Variants in IMMP2L observed in about 807,000 individuals in gnomAD.
The protein encoded by IMMP2L is inner mitochondrial membrane peptidase subunit 2.
A neutral mutation model predicts 19.3 loss-of-function variants in IMMP2L; 18 were observed. The observed-to-expected ratio is 0.93, with a 90% CI of 0.64 to 1.38. The LOEUF (loss-of-function observed/expected upper bound fraction) is 1.38, where lower values mean the gene tolerates loss of function less well. Ranked by LOEUF, IMMP2L falls within the 40% of genes most tolerant of loss-of-function variation. The probability of loss-of-function intolerance (pLI) is 0.00; values close to 1 mark genes in which losing one functional copy is unlikely to be tolerated. For missense variants in IMMP2L, 233 were observed against 218.2 expected (o/e 1.07, Z -0.43); for synonymous variants, 76 against 73.0 (o/e 1.04, Z -0.21).
intron 3 of IMMP2L, among the ~76,000 whole-genome samples, chr7:111,162,045 A>T (rs550743426): frequency 5.3e-4 from 81 of 152,242 alleles, no homozygotes; most frequent in Non-Finnish European, 8.2e-4. Flanking sequence ...TGTTAGTCCA[A>T]ATGACGGTCT....
At chr7:111,271,037 A>G (rs1386354324) in intron 3 of IMMP2L, among the ~76,000 whole-genome samples, 3 of 152,134 alleles carry the variant, frequency 2.0e-5, no homozygotes, top group Non-Finnish European at 4.4e-5. Flanking sequence ...CATAATCACC[A>G]CATGCCATGG....
chr7:111,176,930 A>G (rs1211401197), intron 3 of IMMP2L, among the ~76,000 whole-genome samples: 4 of 151,984 alleles, frequency 2.6e-5, no homozygotes, highest in Non-Finnish European at 5.9e-5. Flanking sequence ...AGAAAGGAAA[A>G]TCTGTGTCCC....
chr7:111,211,678 T>C (rs1367247590), intron 3 of IMMP2L, among the ~76,000 whole-genome samples: 5 of 152,150 alleles, frequency 3.3e-5, no homozygotes, highest in African/African-American at 9.7e-5. Flanking sequence ...CAGAAGACTG[T>C]GCAAAGAGGT....
At position 111,306,361 on chromosome 7, in the gene IMMP2L, G is replaced by A. The variant is rs186338542; in HGVS notation, c.239+180877C>T. Among the ~76,000 whole-genome samples, 82 of 152,204 alleles carry A rather than the reference G, an allele frequency of 5.4e-4. 1 individual carries two copies. Among genetic ancestry groups the A allele is most frequent in the Middle Eastern group, 6.8e-3 (2 of 294 alleles). On this transcript the variant is annotated intron_variant, in intron 3 of 5. Transcript: ENST00000405709. ...CAACTGTAACAAATGTACCAGTTTG[G>A]TGGGGGATACTGATAAATGGGGAAG...
At chr7:111,125,646 C>T (rs1801215055) in intron 3 of IMMP2L, among the ~76,000 whole-genome samples, 1 of 151,868 alleles carries the variant, frequency 6.6e-6, no homozygotes, top group African/African-American at 2.4e-5. Context: ...GTATTTAACC[C>T]TTTAACTATT....
rs148644521 is a variant in IMMP2L, at chr7:111,538,312, T to C, written c.-2-16863A>G. Among the ~76,000 whole-genome samples, 335 of 152,206 alleles carry C rather than the reference T, an allele frequency of 2.2e-3. 3 individuals are homozygous for C. Among genetic ancestry groups the C allele is most frequent in the African/African-American group, 7.4e-3 (308 of 41,556 alleles). ...GTGATATAAGTTCTGGAGGCCTTGA[T>C]TGAACAGCACTGCACAACCACATGC... On this transcript the variant is annotated intron_variant, in intron 1 of 5. Coordinates refer to ENST00000405709, the MANE Select transcript of IMMP2L (RefSeq NM_032549.4).
At chr7:110,665,873 T>C (rs929568489) in intron 5 of IMMP2L, among the ~76,000 whole-genome samples, 1 of 152,200 alleles carries the variant, frequency 6.6e-6, no homozygotes, top group Non-Finnish European at 1.5e-5. Context: ...CATCTAATTG[T>C]GTTAACATTC....
chr7:111,014,996 G>T (rs1267095054), intron 3 of IMMP2L, among the ~76,000 whole-genome samples: 1 of 152,222 alleles, frequency 6.6e-6, no homozygotes, highest in East Asian at 1.9e-4. Flanking sequence ...ACAGTAAGGA[G>T]GTTCCTCAAA....
In IMMP2L at chr7:111,380,890, A is replaced by C. The variant is rs976609175; in HGVS notation, c.239+106348T>G. The stretch of plus-strand genomic sequence containing the variant: ...TCAGTATTCTCCACAAAAAAGTAAC[A>C]GAATCTGTTTCTCTAAGGTACCTGA... On this transcript the variant is annotated intron_variant, in intron 3 of 5. Coordinates refer to ENST00000405709, the MANE Select transcript of IMMP2L (RefSeq NM_032549.4). Among the ~76,000 whole-genome samples, 3 of 151,400 alleles carry C rather than the reference A, an allele frequency of 2.0e-5. No homozygotes were observed. The South Asian group carries it at 6.2e-4, about 31-fold the overall frequency.
chr7:111,162,766 G>A lies in IMMP2L; in HGVS notation c.240-199201C>T, dbSNP rs550976420. Among the ~76,000 whole-genome samples the A allele has an allele frequency of 7.0e-4, 106 of 151,764 alleles. 1 individual carries two copies. Among genetic ancestry groups the A allele is most frequent in the African/African-American group, 2.6e-3 (106 of 41,366 alleles). On this transcript the variant is annotated intron_variant, in intron 3 of 5. Transcript: ENST00000405709. Reference sequence around the variant, plus strand: ...TGTCAGAATCCTCTGATCTCCGCTTGACTAAGCCTCAAACTTGGTGGATAA... The same window carrying A: ...TGTCAGAATCCTCTGATCTCCGCTTAACTAAGCCTCAAACTTGGTGGATAA...
At chr7:110,869,308 AACTC>A (rs1344484028) in intron 5 of IMMP2L, among the ~76,000 whole-genome samples, 2 of 152,156 alleles carry the variant, frequency 1.3e-5, no homozygotes, top group African/African-American at 2.4e-5. Context: ...ACATTTTTAA[AACTC>A]AACCAATAAA....
intron 3 of IMMP2L, among the ~76,000 whole-genome samples, chr7:111,017,874 G>C (rs1825867063): frequency 6.6e-6 from 1 of 152,138 alleles, no homozygotes; most frequent in Non-Finnish European, 1.5e-5. Context: ...CAGAAAGAAA[G>C]ACTCCTAACT....
intron 3 of IMMP2L, among the ~76,000 whole-genome samples, chr7:111,055,968 TA>T (rs1281041180): frequency 6.6e-6 from 1 of 152,066 alleles, no homozygotes; most frequent in Non-Finnish European, 1.5e-5. Flanking sequence ...GCATATTTAA[TA>T]AAAACTCATG....
At chr7:111,279,465 G>A (rs1819458672) in intron 3 of IMMP2L, among the ~76,000 whole-genome samples, 2 of 152,142 alleles carry the variant, frequency 1.3e-5, no homozygotes, top group African/African-American at 4.8e-5. Flanking sequence ...GAAAGACAGA[G>A]AAGACCATGT....
intron 3 of IMMP2L, among the ~76,000 whole-genome samples, chr7:111,342,522 T>G (rs559868098): frequency 1.3e-5 from 2 of 151,690 alleles, no homozygotes; most frequent in African/African-American, 4.8e-5. Context: ...AACCAGGGAG[T>G]TGGAGGTTGC....
At chr7:111,361,677 T>TA (rs1829273738) in intron 3 of IMMP2L, among the ~76,000 whole-genome samples, 1 of 151,996 alleles carries the variant, frequency 6.6e-6, no homozygotes, top group South Asian at 2.1e-4. Flanking sequence ...TAGCTTTCCA[T>TA]AAAAAAAGTG....
intron 3 of IMMP2L, among the ~76,000 whole-genome samples, chr7:111,356,979 C>T (rs1159517255): frequency 6.6e-6 from 1 of 152,074 alleles, no homozygotes; most frequent in Non-Finnish European, 1.5e-5. Flanking sequence ...CGAGATGGTG[C>T]CATTGCACTC....
chr7:111,233,272 T>C (rs1339806365), intron 3 of IMMP2L, among the ~76,000 whole-genome samples: 2 of 152,154 alleles, frequency 1.3e-5, no homozygotes, highest in African/African-American at 2.4e-5. Context: ...TGGCCTTATA[T>C]AATTGATGGT....
rs187335095 is a variant in IMMP2L, at chr7:111,422,063, G to A, written c.239+65175C>T. On this transcript the variant is annotated intron_variant, in intron 3 of 5. Coordinates refer to ENST00000405709, the MANE Select transcript of IMMP2L (RefSeq NM_032549.4). ...GTGTGGTGTTATTTCTGAGCCCTCT[G>A]TTCTGTTCCATTGGTCTATATCTCT... Among the ~76,000 whole-genome samples the A allele has an allele frequency of 4.7e-4, 71 of 151,904 alleles. No homozygotes were observed. In the Middle Eastern group the frequency reaches 0.014, roughly 29 times the overall value.
Sources: allele counts gnomAD v4.1 joint callset (sites outside exome capture counted in the v4.1 genomes callset), GRCh38; gene constraint gnomAD v4.1.1; transcripts MANE v1.5; gene names NCBI Gene and HGNC (gene_info 2026-07-23, HGNC 2026-07-21).